Variants in MGAT4C observed in about 807,000 individuals in gnomAD.
MGAT4C encodes the protein MGAT4 family member C.
A neutral mutation model predicts 40.1 loss-of-function variants in MGAT4C; 19 were observed. That is an observed-to-expected ratio of 0.47 (90% CI 0.33 to 0.70). The LOEUF (loss-of-function observed/expected upper bound fraction) is 0.70. MGAT4C is among the 30% of genes least tolerant of loss of function. The pLI, the probability that MGAT4C is intolerant of heterozygous loss-of-function variation, is 0.02. For synonymous variants in MGAT4C, 181 were observed against 187.1 expected, an observed-to-expected ratio of 0.97 and a Z score of 0.27; for missense variants, 491 against 563.2, an observed-to-expected ratio of 0.87 and a Z score of 1.30.
chr12:86,060,194 T>TCTGTG (rs1893801963), intron 1 of MGAT4C, among the ~76,000 whole-genome samples: 1 of 152,218 alleles, frequency 6.6e-6, no homozygotes, highest in African/African-American at 2.4e-5. Flanking sequence ...GGTAGGCCCC[T>TCTGTG]AGGTAGACTG....
Position 86,129,544 on chromosome 12 carries a change from CTTTTTTTTTTTTTTTTTTTT to C in MGAT4C, c.-56-79841_-56-79822del, listed in dbSNP as rs751908017. ...ACAACTGAGTTTTTGCTTACACAAT[CTTTTTTTTTTTTTTTTTTTT>C]TTTTTTTTTTTTTGAGACGGAGTCT... On this transcript the variant is annotated intron_variant, in intron 1 of 4. Transcript: ENST00000611864. Among the ~76,000 whole-genome samples, 8 of 15,072 alleles carry C rather than the reference CTTTTTTTTTTTTTTTTTTTT, an allele frequency of 5.3e-4. 3 individuals carry two copies. Among genetic ancestry groups the C allele is most frequent in the African/African-American group, 5.0e-3 (8 of 1,610 alleles). 9.9% of individuals were successfully genotyped at this position (15,072 alleles called of 152,430 possible). A position where few individuals can be genotyped will look rare whatever the true frequency, so the allele number is the denominator to read the frequency against.
intron 1 of MGAT4C, among the ~76,000 whole-genome samples, chr12:86,738,282 T>A (rs753790268): frequency 1.3e-5 from 2 of 151,476 alleles, no homozygotes; most frequent in Non-Finnish European, 3.0e-5. Flanking sequence ...TTTTAAATAA[T>A]GTTTTTAGTG....
intron 2 of MGAT4C, among the ~76,000 whole-genome samples, chr12:86,037,385 G>T (rs1891340721): frequency 6.7e-6 from 1 of 149,946 alleles, no homozygotes; most frequent in South Asian, 2.1e-4. Context: ...TGATGTTAGG[G>T]TGTCAATTTT....
chr12:86,752,622 C>T (rs1360700409), intron 1 of MGAT4C, among the ~76,000 whole-genome samples: 1 of 152,026 alleles, frequency 6.6e-6, no homozygotes, highest in Non-Finnish European at 1.5e-5. Flanking sequence ...TCTTCCAACA[C>T]ATGAACATAG....
chr12:86,272,549 T>C (rs1467012963), intron 4 of MGAT4C, among the ~76,000 whole-genome samples: 1 of 152,084 alleles, frequency 6.6e-6, no homozygotes, highest in Non-Finnish European at 1.5e-5. Flanking sequence ...ACTAATGCAA[T>C]AATGATATCT....
intron 1 of MGAT4C, among the ~76,000 whole-genome samples, chr12:86,138,849 C>G (rs1179400976): frequency 6.6e-6 from 1 of 151,930 alleles, no homozygotes; most frequent in Non-Finnish European, 1.5e-5. Context: ...AAGAGAGGAA[C>G]TTTCCTTATA....
At chr12:86,179,768 C>T (rs1230359866) in intron 1 of MGAT4C, among the ~76,000 whole-genome samples, 1 of 152,130 alleles carries the variant, frequency 6.6e-6, no homozygotes, top group African/African-American at 2.4e-5. Flanking sequence ...TCAAAAGTGA[C>T]TTGGGTGCTG....
In MGAT4C at chr12:86,560,407, A is replaced by C. The variant is rs751066815; in HGVS notation, c.-228-125142T>G. ...TCCTCAACAAAATACTAGCAAGTTT[A>C]GTCCAATAACACATCAAAAAAAAAT... On this transcript the variant is annotated intron_variant, in intron 2 of 7. Transcript: ENST00000548651. 2.0e-5 allele frequency among the ~76,000 whole-genome samples: 3 copies of C among 152,224 alleles called. No homozygotes were observed. The East Asian group carries it at 5.8e-4, about 29-fold the overall frequency.
chr12:86,688,157 C>CTTTT (rs55637680), intron 2 of MGAT4C, among the ~76,000 whole-genome samples: 69 of 65,214 alleles, frequency 1.1e-3, no homozygotes, highest in South Asian at 1.7e-3. Context: ...GCAACCCCTG[C>CTTTT]TTTTTTTTTT....
rs1330426764 is a variant in MGAT4C, at chr12:85,970,009, GTTAT to G, written c.*9276_*9279del. The G allele has an allele frequency of 6.6e-6, 1 of 151,236 alleles. No homozygotes were observed. Among genetic ancestry groups the G allele is most frequent in the African/African-American group, 2.4e-5 (1 of 41,354 alleles). 9.4% of individuals were successfully genotyped at this position (151,236 alleles called of 1,614,324 possible). On this transcript the variant is annotated 3_prime_UTR_variant, in exon 5 of 5. Transcript: ENST00000611864. ...ACATTAAGTGATCTGTAAATTAGAA[GTTAT>G]TTGTTATATTTGTTTCGTTTCCTTA...
intron 1 of MGAT4C, among the ~76,000 whole-genome samples, chr12:86,759,061 T>C (rs1290319541): frequency 6.6e-6 from 1 of 152,008 alleles, no homozygotes; most frequent in Non-Finnish European, 1.5e-5. Flanking sequence ...GTTCCCTACC[T>C]CTGGTAACCA....
chr12:86,650,986 T>C (rs1172382951), intron 2 of MGAT4C, among the ~76,000 whole-genome samples: 1 of 151,930 alleles, frequency 6.6e-6, no homozygotes, highest in Non-Finnish European at 1.5e-5. Flanking sequence ...GCCTGTCTTA[T>C]CCTTGAGGGC....
Position 86,796,950 on chromosome 12 carries a change from CATG to C in MGAT4C, c.-262+41713_-262+41715del, listed in dbSNP as rs542606353. ...AAATATTTGAAATTTTTAAAAAGAA[CATG>C]ATAAGGAAATGAAAAGGTTCTCTGC... is the stretch of plus-strand genomic sequence containing the variant. On this transcript the variant is annotated intron_variant, in intron 1 of 7. Transcript: ENST00000548651. Among the ~76,000 whole-genome samples the C allele has an allele frequency of 2.8e-4, 42 of 151,892 alleles. 1 individual carries two copies. In the South Asian group the frequency reaches 8.7e-3, roughly 32 times the overall value.
chr12:86,713,301 G>C (rs1950591199), intron 2 of MGAT4C, among the ~76,000 whole-genome samples: 1 of 152,044 alleles, frequency 6.6e-6, no homozygotes, highest in Non-Finnish European at 1.5e-5. Flanking sequence ...TGATTTTGAT[G>C]AATTGGTTCT....
At chr12:86,754,717 C>A (rs927853430) in intron 1 of MGAT4C, among the ~76,000 whole-genome samples, 2 of 151,748 alleles carry the variant, frequency 1.3e-5, no homozygotes, top group African/African-American at 2.4e-5. Context: ...CTATATATTC[C>A]CAATATATCC....
intron 3 of MGAT4C, among the ~76,000 whole-genome samples, chr12:85,984,051 T>A (rs1884942444): frequency 6.6e-6 from 1 of 152,228 alleles, no homozygotes; most frequent in Admixed American, 6.5e-5. Flanking sequence ...TTTTATAGTT[T>A]AATCTAAGGC....
chr12:86,665,628 C>T (rs1964086600), intron 2 of MGAT4C, among the ~76,000 whole-genome samples: 1 of 152,160 alleles, frequency 6.6e-6, no homozygotes, highest in South Asian at 2.1e-4. Context: ...ACCTCGGCCT[C>T]CCAAAGTACG....
At chr12:86,728,728 T>C (rs972103660) in intron 1 of MGAT4C, among the ~76,000 whole-genome samples, 2 of 152,182 alleles carry the variant, frequency 1.3e-5, no homozygotes, top group African/African-American at 4.8e-5. Flanking sequence ...CGCTCACTAC[T>C]GTTGAGTTTG....
chr12:86,399,839 G>A (rs2136235410), intron 3 of MGAT4C, among the ~76,000 whole-genome samples: 1 of 152,256 alleles, frequency 6.6e-6, no homozygotes, highest in South Asian at 2.1e-4. Context: ...CTGATTATTT[G>A]TGTCCTTTAA....
Sources: allele counts gnomAD v4.1 joint callset (sites outside exome capture counted in the v4.1 genomes callset), GRCh38; gene constraint gnomAD v4.1.1; transcripts MANE v1.5; gene names NCBI Gene and HGNC (gene_info 2026-07-23, HGNC 2026-07-21).